SOX30: variants seen among roughly 807,000 people sequenced by gnomAD.
SOX30 encodes SRY-box transcription factor 30.
In SOX30, 17 loss-of-function variants were observed where a neutral mutation model predicts 58.6. That is an observed-to-expected ratio of 0.29 (90% CI 0.20 to 0.44). The LOEUF (loss-of-function observed/expected upper bound fraction) is 0.44, where lower values mean the gene tolerates loss of function less well. SOX30 is among the 20% of genes least tolerant of loss of function. SOX30 has a pLI of 1.00. For missense variants in SOX30, 951 were observed against 965.8 expected (o/e 0.98, Z 0.20); for synonymous variants, 421 against 400.2 (o/e 1.05, Z -0.62).
At chr5:157,637,733 C>T (rs1216152983) in intron 4 of SOX30, among the ~76,000 whole-genome samples, 2 of 151,716 alleles carry the variant, frequency 1.3e-5, no homozygotes, top group African/African-American at 4.8e-5. Flanking sequence ...GAGATGGTCA[C>T]CCAGGCTGCA....
chr5:157,669,167 CT>C (rs371379093), intron 1 of SOX30, among the ~76,000 whole-genome samples: 531 of 152,206 alleles, frequency 3.5e-3, no homozygotes, highest in African/African-American at 0.012. Context: ...GGCACAATGC[CT>C]GGGTGCTGGG....
In SOX30 at chr5:157,651,999, G is replaced by A; in HGVS notation, c.80C>T (p.Thr27Ile). ...PAPPPLPVEG[T>I]SFWAAAMEPP... is the part of the protein sequence containing the mutation. Reference sequence around the variant, plus strand: ...CTCCATGGCTGCTGCCCAAAAGGAGGTGCCCTCGACCGGCAGCGGGGGCGG... The same window carrying A: ...CTCCATGGCTGCTGCCCAAAAGGAGATGCCCTCGACCGGCAGCGGGGGCGG... Residue 27 changes from threonine to isoleucine, a missense_variant, in exon 1 of 5, where the codon ACC (threonine) becomes ATC (isoleucine). Around this residue, in one of 7 missense-constraint regions of SOX30, gnomAD observed 363 missense variants for 294.5 expected, o/e 1.23. Coordinates refer to ENST00000265007, the MANE Select transcript of SOX30 (RefSeq NM_178424.2). The A allele has an allele frequency of 7.0e-7, 1 of 1,434,888 alleles. No homozygotes were observed. The highest frequency in any genetic ancestry group is 9.1e-7 in the Non-Finnish European group (1 of 1,102,352). 88.9% of individuals were successfully genotyped at this position (1,434,888 alleles called of 1,614,324 possible).
At chr5:157,657,495 A>G (rs980370596) in intron 2 of SOX30, among the ~76,000 whole-genome samples, 10 of 152,246 alleles carry the variant, frequency 6.6e-5, no homozygotes, top group African/African-American at 2.4e-4. Context: ...ATATTAAAAT[A>G]AAGGAAAACA....
At chr5:157,645,383 G>A (rs757128506) in intron 3 of SOX30, among the ~76,000 whole-genome samples, 1 of 152,148 alleles carries the variant, frequency 6.6e-6, no homozygotes, top group African/African-American at 2.4e-5. Flanking sequence ...AAGAAAGTGG[G>A]CCAGATATGG....
intron 2 of SOX30, among the ~76,000 whole-genome samples, chr5:157,666,478 GACACACACAC>G (rs375835461): frequency 0.048 from 6,307 of 132,484 alleles, 389 homozygotes; most frequent in African/African-American, 0.15. Context: ...TAGTCCAGTA[GACACACACAC>G]ACACACACAC....
chr5:157,648,555 GA>G (rs1022911656), intron 2 of SOX30, 101 bp downstream of exon 2: 1 of 1,117,980 alleles, frequency 8.9e-7, no homozygotes, highest in Admixed American at 2.3e-5. Context: ...GTACATATCA[GA>G]AAAAAATTAT....
At chr5:157,659,793 C>T (rs948881743) in intron 2 of SOX30, among the ~76,000 whole-genome samples, 3 of 152,142 alleles carry the variant, frequency 2.0e-5, no homozygotes, top group African/African-American at 7.2e-5. Flanking sequence ...TGTGACAACT[C>T]AAATCAGGGC....
chr5:157,651,591 G>C lies in SOX30; in HGVS notation c.488C>G (p.Ser163Cys). Reference sequence around the variant, plus strand: ...GGGGCCTTCCAACTTGACCACCCTGGAGGCTCTAGGACCGGTTTCGACGGC... The same window carrying C: ...GGGGCCTTCCAACTTGACCACCCTGCAGGCTCTAGGACCGGTTTCGACGGC... ...RGAVETGPRA[S>C]RVVKLEGPGP... Residue 163 changes from serine (S) to cysteine (C), a missense_variant, in exon 1 of 5, where the codon TCC becomes TGC. Coordinates refer to ENST00000265007, the MANE Select transcript of SOX30 (RefSeq NM_178424.2). The C allele has an allele frequency of 1.2e-6, 2 of 1,613,130 alleles. No individual in the cohort carries two copies. The highest frequency in any genetic ancestry group is 1.3e-5 in the African/African-American group (1 of 75,066).
chr5:157,639,132 A>C (rs1173332179), intron 3 of SOX30, among the ~76,000 whole-genome samples: 1 of 152,202 alleles, frequency 6.6e-6, no homozygotes, highest in East Asian at 1.9e-4. Context: ...GTATGCATAT[A>C]TACATTTAAA....
intron 1 of SOX30, 78 bp from the exon 2 acceptor site, chr5:157,648,974 C>T: frequency 6.7e-7 from 1 of 1,488,410 alleles, no homozygotes; most frequent in Non-Finnish European, 9.0e-7. Context: ...AAGTGCACCT[C>T]CGTCTATACT....
intron 3 of SOX30, among the ~76,000 whole-genome samples, chr5:157,641,619 T>A (rs1759064243): frequency 6.6e-6 from 1 of 151,922 alleles, no homozygotes; most frequent in Non-Finnish European, 1.5e-5. Context: ...TCTCAAAAAA[T>A]AATAATAATA....
At chr5:157,644,214 C>T (rs999565871) in intron 3 of SOX30, among the ~76,000 whole-genome samples, 1 of 152,112 alleles carries the variant, frequency 6.6e-6, no homozygotes, top group Non-Finnish European at 1.5e-5. Context: ...AGGCTAGTCT[C>T]GAACTCCTAG....
chr5:157,630,765 T>C (rs941882381), intron 4 of SOX30, among the ~76,000 whole-genome samples: 1 of 149,114 alleles, frequency 6.7e-6, no homozygotes, highest in Non-Finnish European at 1.5e-5. Flanking sequence ...CTTGGGGTCT[T>C]TTTGTGTATT....
intron 2 of SOX30, among the ~76,000 whole-genome samples, chr5:157,666,543 AATCTC>A (rs1351921862): frequency 6.6e-6 from 1 of 150,824 alleles, no homozygotes; most frequent in Non-Finnish European, 1.5e-5. Flanking sequence ...GTTCAAATGA[AATCTC>A]AGCTGGGATC....
At position 157,651,831 on chromosome 5, in the gene SOX30, T is replaced by C; in HGVS notation, c.248A>G (p.Gln83Arg). ...VKPEQVLLLPQPQAQNEEAAA... is the reference protein window; with the variant it reads ...VKPEQVLLLPRPQAQNEEAAA... Reference sequence around the variant, plus strand: ...GGCTTCCTCGTTCTGGGCCTGAGGCTGTGGTAGCAGCAACACCTGCTCTGG... The same window carrying C: ...GGCTTCCTCGTTCTGGGCCTGAGGCCGTGGTAGCAGCAACACCTGCTCTGG... Residue 83 changes from glutamine (Q) to arginine (R), a missense_variant, in exon 1 of 5, where the codon CAG becomes CGG. Gln to Arg is a conservative substitution (Grantham distance 43). Coordinates refer to ENST00000265007, the MANE Select transcript of SOX30 (RefSeq NM_178424.2). The C allele has an allele frequency of 6.3e-7, 1 of 1,586,938 alleles. No individual in the cohort carries two copies. The highest frequency in any genetic ancestry group is 8.5e-7 in the Non-Finnish European group (1 of 1,170,762).
At chr5:157,664,278 G>A (rs1157120283) in intron 2 of SOX30, among the ~76,000 whole-genome samples, 1 of 152,148 alleles carries the variant, frequency 6.6e-6, no homozygotes. Flanking sequence ...AGAGCCCTCA[G>A]AAATAATGCC....
intron 2 of SOX30, among the ~76,000 whole-genome samples, chr5:157,663,823 A>G (rs915158177): frequency 2.0e-5 from 3 of 152,232 alleles, no homozygotes; most frequent in African/African-American, 7.2e-5. Context: ...ACAAACAGCC[A>G]AATCATGAGT....
rs12520834 is a variant in SOX30 at position 157,628,167 on chromosome 5, A to T, written c.1881-1446T>A. Among the ~76,000 whole-genome samples the T allele has an allele frequency of 3.2e-3, 483 of 152,188 alleles. 4 individuals are homozygous for T. Among genetic ancestry groups the T allele is most frequent in the African/African-American group, 0.011 (447 of 41,514 alleles). On this transcript the variant is annotated intron_variant, in intron 4 of 4. Transcript: ENST00000265007. ...CCCATCTCAAAAAAAAATTTTTTTA[A>T]AAAAGATTATACCTCAAAAATTCTG...
intron 2 of SOX30, among the ~76,000 whole-genome samples, chr5:157,661,143 A>C (rs1329151112): frequency 6.6e-6 from 1 of 152,080 alleles, no homozygotes. Context: ...ACCTTATTGC[A>C]CTGGCTGGAA....
Sources: gnomAD v4.1 joint callset for allele counts (sites outside exome capture counted in the v4.1 genomes callset) on GRCh38, gnomAD v4.1.1 for gene constraint, gnomAD v4.1.1 regional missense constraint, MANE v1.5 for transcripts, NCBI Gene and HGNC (gene_info 2026-07-23, HGNC 2026-07-21) for gene names.